DOCK2: variants seen among roughly 807,000 people sequenced by gnomAD.
DOCK2 encodes dedicator of cytokinesis protein 2.
DOCK2 carries 87 observed loss-of-function variants against 248.9 expected under a neutral mutation model. That is an observed-to-expected ratio of 0.35 (90% CI 0.29 to 0.42). The LOEUF (loss-of-function observed/expected upper bound fraction) is 0.42. Ranked by LOEUF, DOCK2 falls within the 10% of genes least tolerant of loss-of-function variation. The pLI, the probability that DOCK2 is intolerant of heterozygous loss-of-function variation, is 1.00. For synonymous variants in DOCK2, 805 were observed against 821.6 expected (o/e 0.98, Z 0.35); for missense variants, 1,747 against 2,300.2 (o/e 0.76, Z 4.92).
intron 2 of DOCK2, among the ~76,000 whole-genome samples, chr5:169,661,887 G>A (rs139189007): frequency 5.9e-5 from 9 of 152,218 alleles, no homozygotes; most frequent in African/African-American, 1.2e-4. Context: ...GGTTGTTTCC[G>A]TATCTTGGCT....
chr5:169,924,232 T>TC (rs2113660283), intron 27 of DOCK2, among the ~76,000 whole-genome samples: 1 of 152,288 alleles, frequency 6.6e-6, no homozygotes, highest in South Asian at 2.1e-4. Context: ...CCACACACAC[T>TC]AGCTCTGGCC....
At chr5:169,641,300 G>A (rs1317861879) in intron 1 of DOCK2, among the ~76,000 whole-genome samples, 1 of 152,172 alleles carries the variant, frequency 6.6e-6, no homozygotes, top group African/African-American at 2.4e-5. Context: ...AACCATAACA[G>A]GCTCTGCAGA....
intron 2 of DOCK2, among the ~76,000 whole-genome samples, chr5:169,656,073 C>G (rs887886178): frequency 1.3e-5 from 2 of 152,168 alleles, no homozygotes; most frequent in Non-Finnish European, 2.9e-5. Flanking sequence ...TGTGATTCCA[C>G]GCACGCTGCC....
intron 27 of DOCK2, among the ~76,000 whole-genome samples, chr5:169,936,187 A>G (rs1309467724): frequency 6.6e-6 from 1 of 152,250 alleles, no homozygotes; most frequent in Non-Finnish European, 1.5e-5. Context: ...GACTACACAC[A>G]GAATTAATCC....
intron 22 of DOCK2, among the ~76,000 whole-genome samples, chr5:169,735,587 G>A (rs949707158): frequency 2.0e-5 from 3 of 152,262 alleles, no homozygotes; most frequent in Middle Eastern, 3.4e-3. Context: ...ATGTATAGAC[G>A]TCAGTTTTTA....
intron 1 of DOCK2, 40 bp downstream of exon 1, chr5:169,637,409 G>A (rs896971559): frequency 1.9e-5 from 25 of 1,325,876 alleles, no homozygotes; most frequent in Non-Finnish European, 1.9e-5. Context: ...AGCGGGACAG[G>A]TGGCGGGAGA....
At chr5:169,827,845 G>A (rs1460008417) in intron 26 of DOCK2, among the ~76,000 whole-genome samples, 2 of 149,756 alleles carry the variant, frequency 1.3e-5, no homozygotes, top group African/African-American at 2.5e-5. Context: ...GAAATCATTG[G>A]TGACAATTAG....
intron 24 of DOCK2, 130 bp downstream of exon 24, chr5:169,759,905 G>A: frequency 1.1e-6 from 1 of 936,388 alleles, no homozygotes; most frequent in Non-Finnish European, 1.6e-6. Flanking sequence ...GGCAGGGGAT[G>A]TTTTCAGGGT....
At chr5:169,738,907 G>A (rs1165030270) in intron 22 of DOCK2, among the ~76,000 whole-genome samples, 2 of 152,156 alleles carry the variant, frequency 1.3e-5, no homozygotes, top group African/African-American at 2.4e-5. Flanking sequence ...TCCTCTGCGG[G>A]CAGCCTGGTG....
At chr5:169,849,843 C>A (rs914287848) in intron 27 of DOCK2, among the ~76,000 whole-genome samples, 1 of 152,160 alleles carries the variant, frequency 6.6e-6, no homozygotes, top group Non-Finnish European at 1.5e-5. Flanking sequence ...TAAATGCTTC[C>A]TTCCCATTGA....
intron 30 of DOCK2, among the ~76,000 whole-genome samples, chr5:170,001,020 G>T (rs1754813202): frequency 1.3e-5 from 2 of 152,154 alleles, no homozygotes; most frequent in Admixed American, 1.3e-4. Context: ...TGGGATGGTT[G>T]GTTCCACCAG....
chr5:169,718,695 C>T lies in DOCK2; in HGVS notation c.2171C>T (p.Ser724Phe). 6.2e-7 allele frequency: 1 copy of T among 1,613,856 alleles called. No individual in the cohort carries two copies. Among genetic ancestry groups the T allele is most frequent in the Admixed American group, 1.7e-5 (1 of 60,000 alleles). The change falls in exon 22 of 52, where the codon TCC (serine) becomes TTC (phenylalanine). Residue 724 changes from serine (S) to phenylalanine (F), a missense_variant. Physicochemically the swap from Ser to Phe is radical, Grantham distance 155. Coordinates refer to ENST00000520908, the MANE Select transcript of DOCK2 (RefSeq NM_004946.3). The stretch of plus-strand genomic sequence containing the variant: ...GTGCTGAAGACTTACTTGGATACCT[C>T]CAGCAGAGGGGAGCAATGTGAGCCA... The part of the protein sequence containing the change: ...MTVLKTYLDT[S>F]SRGEQCEPIL...
At chr5:169,982,249 T>A (rs1777962041) in intron 27 of DOCK2, among the ~76,000 whole-genome samples, 1 of 152,086 alleles carries the variant, frequency 6.6e-6, no homozygotes, top group Non-Finnish European at 1.5e-5. Flanking sequence ...GTGCTTTGTT[T>A]ACCAGGTTCC....
At chr5:169,986,011 C>T in intron 29 of DOCK2, 89 bp downstream of exon 29, 1 of 1,231,936 alleles carries the variant, frequency 8.1e-7, no homozygotes, top group Non-Finnish European at 1.1e-6. Context: ...GACAATTTCT[C>T]CTTGCTGAAA....
chr5:169,853,380 G>A (rs921155967), intron 27 of DOCK2, among the ~76,000 whole-genome samples: 1 of 152,180 alleles, frequency 6.6e-6, no homozygotes, highest in Non-Finnish European at 1.5e-5. Context: ...CCCGTCCAGG[G>A]CACTGGCTTT....
rs1758091923 is a variant in DOCK2, at chr5:170,083,115, T to TGGGGAG, written c.*257_*258insGGGGAG. 1 of 490,730 alleles carries TGGGGAG rather than the reference T, an allele frequency of 2.0e-6. No homozygotes were observed. Among genetic ancestry groups the TGGGGAG allele is most frequent in the African/African-American group, 1.9e-5 (1 of 51,874 alleles). 30.4% of individuals were successfully genotyped at this position (490,730 alleles called of 1,614,324 possible). A position where few individuals can be genotyped will look rare whatever the true frequency, so the allele number is the denominator to read the frequency against. On this transcript the variant is annotated 3_prime_UTR_variant, in exon 52 of 52. Coordinates refer to ENST00000520908, the MANE Select transcript of DOCK2 (RefSeq NM_004946.3). ...ACTCAAGGTACCAGCAAGAATGCCT[T>TGGGGAG]CTCCCAGTGTGCTCTCCCCAACATC...
intron 22 of DOCK2, among the ~76,000 whole-genome samples, chr5:169,730,637 G>A (rs1253778314): frequency 2.0e-5 from 3 of 152,078 alleles, no homozygotes; most frequent in Non-Finnish European, 4.4e-5. Flanking sequence ...AAGATATATA[G>A]GACATAAACT....
rs1325150917 is a variant in DOCK2 at position 169,806,221 on chromosome 5, T to TG, written c.2703+3015_2703+3016insG. Among the ~76,000 whole-genome samples, 4 of 142,434 alleles carry TG rather than the reference T, an allele frequency of 2.8e-5. No homozygotes were observed. In the East Asian group the frequency reaches 9.0e-4, roughly 32 times the overall value. The allele number at this position is 142,434 out of a possible 152,430, so 93.4% of individuals were successfully genotyped here. Reference sequence around the variant, plus strand: ...TGCATAGTCATATCACCTCGAGAGTTTTTTTTTTTTTTTTTTTGAGCCAGG... The same window carrying TG: ...TGCATAGTCATATCACCTCGAGAGTTGTTTTTTTTTTTTTTTTTGAGCCAGG... On this transcript the variant is annotated intron_variant, in intron 26 of 51. Coordinates refer to ENST00000520908, the MANE Select transcript of DOCK2 (RefSeq NM_004946.3).
chr5:169,965,631 G>T (rs984234225), intron 27 of DOCK2, among the ~76,000 whole-genome samples: 2 of 152,084 alleles, frequency 1.3e-5, no homozygotes, highest in African/African-American at 4.8e-5. Flanking sequence ...TAATTCTAAT[G>T]TGCAGCAGAG....
Sources: allele counts gnomAD v4.1 joint callset (sites outside exome capture counted in the v4.1 genomes callset), GRCh38; gene constraint gnomAD v4.1.1; transcripts MANE v1.5; gene names NCBI Gene and HGNC (gene_info 2026-07-23, HGNC 2026-07-21).